The following SPTB variants were observed in gnomAD, a reference collection of about 807,000 sequenced individuals.
SPTB encodes spectrin beta chain, erythrocytic.
A neutral mutation model predicts 256.2 loss-of-function variants in SPTB; 45 were observed. The ratio of observed to expected loss-of-function variants is 0.18; its 90% CI spans 0.14 to 0.23. The LOEUF is 0.23. Ranked by LOEUF, SPTB falls within the 10% of genes least tolerant of loss-of-function variation. The pLI, the probability that SPTB is intolerant of heterozygous loss-of-function variation, is 1.00. For missense variants in SPTB, 2,715 were observed against 3,040.4 expected (o/e 0.89, Z 2.52); for synonymous variants, 1,231 against 1,243.1 (o/e 0.99, Z 0.21).
At chr14:64,859,714 CTCTCTCTATATATA>C (rs1305045012) in intron 1 of SPTB, among the ~76,000 whole-genome samples, 15 of 59,076 alleles carry the variant, frequency 2.5e-4, no homozygotes, top group African/African-American at 6.8e-4. Flanking sequence ...CTCTCTCTCT[CTCTCTCTATATATA>C]TATATATATG....
At position 64,803,579 on chromosome 14, in the gene SPTB, C is replaced by T. The variant is rs183198217; in HGVS notation, c.474+28G>A. 7.6e-5 allele frequency: 122 copies of T among 1,613,638 alleles called. No homozygotes were observed. The East Asian group carries it at 2.4e-3, about 32-fold the overall frequency. ...CCCTGGGCAGCCTTGAGGGCTCCCT[C>T]GACTTCCTCTACCCCCCAGGAACCC... is the stretch of plus-strand genomic sequence containing the variant. On this transcript the variant is annotated intron_variant, in intron 4 of 35. Transcript: ENST00000644917.
chr14:64,876,433 T>A (rs1287332280), intron 1 of SPTB, among the ~76,000 whole-genome samples: 1 of 152,160 alleles, frequency 6.6e-6, no homozygotes. Flanking sequence ...TCCTACCTTT[T>A]CAGGTCTTGA....
intron 8 of SPTB, among the ~76,000 whole-genome samples, chr14:64,800,498 C>T (rs1474922980): frequency 1.3e-5 from 2 of 152,150 alleles, no homozygotes; most frequent in Non-Finnish European, 2.9e-5. Flanking sequence ...GTGGGGATGT[C>T]CATGAGACAT....
chr14:64,766,623 G>A, intron 32 of SPTB, 103 bp downstream of exon 32: 1 of 1,610,612 alleles, frequency 6.2e-7, no homozygotes. Context: ...GGGCGGGGCT[G>A]CGCCAGCTCA....
chr14:64,801,190 C>T (rs533047231), intron 7 of SPTB, 95 bp downstream of exon 7: 8 of 1,087,090 alleles, frequency 7.4e-6, no homozygotes, highest in South Asian at 4.2e-5. Flanking sequence ...GCACCTGGGC[C>T]GGCCTCCAGA....
At chr14:64,808,666 C>T (rs968825803) in intron 2 of SPTB, among the ~76,000 whole-genome samples, 1 of 152,104 alleles carries the variant, frequency 6.6e-6, no homozygotes, top group African/African-American at 2.4e-5. Context: ...TTGGGCAGCT[C>T]ACTCTCCCCA....
At chr14:64,771,657 C>G (rs1239636287) in intron 26 of SPTB, among the ~76,000 whole-genome samples, 1 of 152,128 alleles carries the variant, frequency 6.6e-6, no homozygotes, top group Non-Finnish European at 1.5e-5. Context: ...TGCACCAGAT[C>G]CCCTGATTGA....
intron 32 of SPTB, chr14:64,766,406 T>C (rs1374663946): frequency 7.3e-7 from 1 of 1,367,638 alleles, no homozygotes; most frequent in African/African-American, 1.5e-5. Flanking sequence ...GGCTAGTGTT[T>C]CCCCTCATGT....
At chr14:64,828,812 C>T (rs2083410277) in intron 1 of SPTB, among the ~76,000 whole-genome samples, 1 of 152,156 alleles carries the variant, frequency 6.6e-6, no homozygotes, top group African/African-American at 2.4e-5. Context: ...TCTATAGTAA[C>T]TTCTCACTTC....
At position 64,779,770 on chromosome 14, in the gene SPTB, T is replaced by G. The variant is rs1470567585; in HGVS notation, c.4428A>C (p.Ser1476=). Residue 1476 remains serine (S), a synonymous_variant, in exon 21 of 36, where the codon TCA becomes TCC. Coordinates refer to ENST00000644917, the MANE Select transcript of SPTB (RefSeq NM_001355436.2). The surrounding 1 kb of genome is among the most constrained non-coding windows in gnomAD (Gnocchi z 4.2). ...PLGRRKKQLE[S]SRAKLQISRD... is the part of the protein sequence containing the mutation. ...GGCTGATCTGCAGCTTGGCTCTGGA[T>G]GATTCCAGCTGCTTCTTCCTCCTTC... 1.2e-6 allele frequency: 2 copies of G among 1,614,132 alleles called. No individual in the cohort carries two copies. Among genetic ancestry groups the G allele is most frequent in the Admixed American group, 1.7e-5 (1 of 60,018 alleles).
intron 32 of SPTB, chr14:64,757,217 A>G (rs1176864151): frequency 6.6e-6 from 1 of 152,242 alleles, no homozygotes. Context: ...CCTCTTACCC[A>G]GCCTCTGCTC....
chr14:64,814,413 ATCTCTGGTTTCCTT>A (rs2083151191), intron 2 of SPTB, among the ~76,000 whole-genome samples: 2 of 152,140 alleles, frequency 1.3e-5, no homozygotes, highest in Non-Finnish European at 2.9e-5. Context: ...CTTTAACAAA[ATCTCTGGTTTCCTT>A]TATCTGTTTT....
rs922950501 is a variant in SPTB, at chr14:64,866,279, G to A, written c.-52+13513C>T. 6.6e-6 allele frequency among the ~76,000 whole-genome samples: 1 copy of A among 152,082 alleles called. No homozygotes were observed. Among genetic ancestry groups the A allele is most frequent in the African/African-American group, 2.4e-5 (1 of 41,398 alleles). On this transcript the variant is annotated intron_variant, in intron 1 of 35. Transcript: ENST00000644917. The surrounding 1 kb of genome is among the most constrained non-coding windows in gnomAD (Gnocchi z 4.6). ...CTACCCTCACTGTCAGCTCTCCATC[G>A]AGTTTGCTGACTGTTGTCTGCTTAT...
chr14:64,785,541 T>G lies in SPTB; in HGVS notation c.3851A>C (p.Gln1284Pro). Residue 1284 changes from glutamine to proline, a missense_variant, in exon 18 of 36, where the codon CAG becomes CCG. Physicochemically the swap from Gln to Pro is moderately conservative, Grantham distance 76. This residue lies in a region of SPTB where 2,239 missense variants were observed against 2,384.4 expected (regional missense o/e 0.94). Coordinates refer to ENST00000644917, the MANE Select transcript of SPTB (RefSeq NM_001355436.2). The surrounding 1 kb of genome is among the most constrained non-coding windows in gnomAD (Gnocchi z 4.4). ...LELQNFLQNC[Q>P]ELTLWINDKL... ...CACTCCTTGCTGGAGCCTCACCTCC[T>G]GGCAGTTCTGGAGGAAGTTCTGTAG... 2.5e-6 allele frequency: 4 copies of G among 1,612,674 alleles called. No homozygotes were observed. The highest frequency in any genetic ancestry group is 3.4e-6 in the Non-Finnish European group (4 of 1,179,470).
In SPTB at chr14:64,793,166, C is replaced by T. The variant is rs763528404; in HGVS notation, c.2497G>A (p.Val833Met). The T allele has an allele frequency of 2.5e-6, 4 of 1,614,032 alleles. No homozygotes were observed. The highest frequency in any genetic ancestry group is 3.4e-6 in the Non-Finnish European group (4 of 1,180,050). The change falls in exon 14 of 36, where the codon GTG becomes ATG. Residue 833 changes from valine to methionine, a missense_variant. Coordinates refer to ENST00000644917, the MANE Select transcript of SPTB (RefSeq NM_001355436.2). This position sits in a 1 kb window ranked among gnomAD's most constrained non-coding sequence, Gnocchi z 7.0. ...TGACGCAGGTCCGCCTGGGCCACCA[C>T]CTGTTGGTAGAGCTCCCGCAGGGCC... ...LQALRELYQQ[V>M]VAQADLRQQR...
chr14:64,860,411 C>A (rs2139799961), intron 1 of SPTB, among the ~76,000 whole-genome samples: 2 of 152,266 alleles, frequency 1.3e-5, no homozygotes, highest in Middle Eastern at 6.8e-3. Context: ...ACTCAGTTGT[C>A]CACATTTCCA....
Position 64,753,533 on chromosome 14 carries a change from T to C in SPTB, c.6602+4A>G. The stretch of plus-strand genomic sequence containing the variant: ...CCTCAGCCAGCAGCCTCTCCCGCAC[T>C]CACCTGTTGGAAGCCTTCTTGTTGG... On this transcript the variant is annotated splice_donor_region_variant and intron_variant, in intron 33 of 35. Transcript: ENST00000644917. 1 of 1,613,390 alleles carries C rather than the reference T, an allele frequency of 6.2e-7. No individual in the cohort carries two copies. Among genetic ancestry groups the C allele is most frequent in the East Asian group, 2.2e-5 (1 of 44,868 alleles).
Position 64,835,319 on chromosome 14 carries a change from G to GCTCA in SPTB, c.-51-12178_-51-12175dup, listed in dbSNP as rs1594827878. On this transcript the variant is annotated intron_variant, in intron 1 of 35. Transcript: ENST00000644917. ...GCTGGAGTTCAGTGGTGCAATCTCT[G>GCTCA]CTCACTGAAACCTCCGCCTCTTGGG... Among the ~76,000 whole-genome samples, 3 of 152,294 alleles carry GCTCA rather than the reference G, an allele frequency of 2.0e-5. No individual in the cohort carries two copies. The East Asian group carries it at 5.8e-4, about 29-fold the overall frequency.
At chr14:64,851,448 CAGTAGCAGTAGCAGTAGTAGTAGTAGT>C (rs2083783975) in intron 1 of SPTB, among the ~76,000 whole-genome samples, 1 of 151,990 alleles carries the variant, frequency 6.6e-6, no homozygotes, top group Non-Finnish European at 1.5e-5. Context: ...ATATCAGTAG[CAGTAGCAGTAGCAGTAGTAGTAGTAGT>C]AGTAGCAGTA....
Sources: allele counts gnomAD v4.1 joint callset (sites outside exome capture counted in the v4.1 genomes callset), GRCh38; gene constraint gnomAD v4.1.1; regional missense constraint gnomAD v4.1.1; non-coding constraint Gnocchi (gnomAD v3.1); transcripts MANE v1.5; gene names NCBI Gene and HGNC (gene_info 2026-07-23, HGNC 2026-07-21).